AGBL1: variants seen among roughly 807,000 people sequenced by gnomAD.
AGBL1 encodes AGBL carboxypeptidase 1, also known as cytosolic carboxypeptidase 4.
AGBL1 carries 130 observed loss-of-function variants against 118.9 expected under a neutral mutation model. The observed-to-expected ratio is 1.09, with a 90% CI of 0.95 to 1.26. The LOEUF is 1.26. Among genes scored for constraint, AGBL1 ranks in the 50% most tolerant of loss-of-function variants. The probability of loss-of-function intolerance (pLI) is 0.00; values close to 1 mark genes in which losing one functional copy is unlikely to be tolerated. For synonymous variants in AGBL1, 555 were observed against 478.9 expected (o/e 1.16, Z -2.08); for missense variants, 1,584 against 1,298.1 (o/e 1.22, Z -3.38).
chr15:86,761,467 T>C (rs989706969), intron 22 of AGBL1, among the ~76,000 whole-genome samples: 1 of 152,046 alleles, frequency 6.6e-6, no homozygotes, highest in Non-Finnish European at 1.5e-5. Flanking sequence ...AATACAAATG[T>C]AGGTACAGGG....
chr15:86,953,132 A>G (rs556158781), intron 23 of AGBL1, among the ~76,000 whole-genome samples: 5 of 152,206 alleles, frequency 3.3e-5, no homozygotes, highest in African/African-American at 9.6e-5. Flanking sequence ...TTTGTTTACA[A>G]TTGCTTTGGC....
chr15:86,143,752 C>A lies in AGBL1; in HGVS notation c.169C>A (p.Leu57Met), dbSNP rs1324747247. The change falls in exon 3 of 23, where the codon CTG (leucine) becomes ATG (methionine). Residue 57 changes from leucine to methionine, a missense_variant. Leu to Met is a conservative substitution (Grantham distance 15). Coordinates refer to ENST00000614907, the MANE Select transcript of AGBL1 (RefSeq NM_001386094.1). ...CAGCAAGGGTGGCAGTGAAGCTCTT[C>A]TGCAGACCCTGGTAGACACAGCGAG... ...MISKGGSEAL[L>M]QTLVDTARTA... 1.9e-5 allele frequency: 31 copies of A among 1,613,836 alleles called. No homozygotes were observed. Among genetic ancestry groups the A allele is most frequent in the Non-Finnish European group, 2.5e-5 (29 of 1,179,836 alleles).
intron 17 of AGBL1, among the ~76,000 whole-genome samples, chr15:86,366,178 T>A (rs2080884997): frequency 6.6e-6 from 1 of 152,166 alleles, no homozygotes; most frequent in South Asian, 2.1e-4. Context: ...AATCCTCCCC[T>A]ACATTCTTCA....
chr15:87,022,706 A>G (rs1004684678), intron 24 of AGBL1, among the ~76,000 whole-genome samples: 12 of 152,072 alleles, frequency 7.9e-5, no homozygotes, highest in Non-Finnish European at 1.6e-4. Flanking sequence ...TGTGAGACAA[A>G]AGTACCAGGT....
chr15:86,257,924 G>C lies in AGBL1; in HGVS notation c.902-40G>C, dbSNP rs201119906. The C allele has an allele frequency of 1.9e-6, 3 of 1,600,756 alleles. No individual in the cohort carries two copies. In the African/African-American group the frequency reaches 4.0e-5, roughly 22 times the overall value. On this transcript the variant is annotated intron_variant, in intron 8 of 22. Coordinates refer to ENST00000614907, the MANE Select transcript of AGBL1 (RefSeq NM_001386094.1). ...ATCTAAATCCTAAATCCCGGGCAAAGGGGAAACTTCACTTATTTCACCTCT... is the reference window on the plus strand; with the variant it reads ...ATCTAAATCCTAAATCCCGGGCAAACGGGAAACTTCACTTATTTCACCTCT...
chr15:86,988,641 TAA>T (rs888824068), intron 24 of AGBL1, among the ~76,000 whole-genome samples: 26 of 152,346 alleles, frequency 1.7e-4, no homozygotes, highest in African/African-American at 6.3e-4. Flanking sequence ...CAGATTTATC[TAA>T]AAGTTATTCA....
chr15:86,879,291 T>A (rs898195880), intron 22 of AGBL1, among the ~76,000 whole-genome samples: 3 of 152,204 alleles, frequency 2.0e-5, no homozygotes, highest in African/African-American at 7.2e-5. Flanking sequence ...AGTGTCTGAC[T>A]TCACAAGCCC....
chr15:86,423,149 G>A (rs1390831156), intron 18 of AGBL1, among the ~76,000 whole-genome samples: 2 of 152,146 alleles, frequency 1.3e-5, no homozygotes, highest in African/African-American at 4.8e-5. Flanking sequence ...AAAAGTTCAG[G>A]CCAATATCCC....
intron 23 of AGBL1, among the ~76,000 whole-genome samples, chr15:86,934,928 ATCCATTCTCC>A (rs2080649193): frequency 6.6e-6 from 1 of 152,220 alleles, no homozygotes; most frequent in Non-Finnish European, 1.5e-5. Flanking sequence ...GATATTCTGG[ATCCATTCTCC>A]TCCTGATATC....
At chr15:86,484,597 G>A (rs184007477) in intron 18 of AGBL1, among the ~76,000 whole-genome samples, 4 of 151,990 alleles carry the variant, frequency 2.6e-5, no homozygotes, top group Admixed American at 1.3e-4. Flanking sequence ...TCCACGTTTC[G>A]GTGCATTTAG....
chr15:86,129,704 T>C (rs1212195511), intron 1 of AGBL1, among the ~76,000 whole-genome samples: 1 of 152,078 alleles, frequency 6.6e-6, no homozygotes, highest in East Asian at 1.9e-4. Context: ...CATCTTGCAA[T>C]ATATGGGACG....
At chr15:86,165,996 G>A (rs765056768) in intron 5 of AGBL1, among the ~76,000 whole-genome samples, 1 of 152,130 alleles carries the variant, frequency 6.6e-6, no homozygotes, top group African/African-American at 2.4e-5. Context: ...AAGCCACTGA[G>A]CTCTTCCTGA....
intron 22 of AGBL1, among the ~76,000 whole-genome samples, chr15:86,730,373 T>C (rs1329403719): frequency 6.6e-6 from 1 of 152,118 alleles, no homozygotes; most frequent in Non-Finnish European, 1.5e-5. Context: ...AGATCTAATA[T>C]CCAGAATCTA....
chr15:86,815,917 C>A (rs138607613), intron 22 of AGBL1, among the ~76,000 whole-genome samples: 139 of 152,150 alleles, frequency 9.1e-4, no homozygotes, highest in African/African-American at 3.0e-3. Context: ...GGGAAGGAAA[C>A]GGTGGGGAAG....
At chr15:86,518,842 G>A (rs938208410) in intron 18 of AGBL1, among the ~76,000 whole-genome samples, 1 of 151,552 alleles carries the variant, frequency 6.6e-6, no homozygotes, top group Non-Finnish European at 1.5e-5. Context: ...GTGTGCATTT[G>A]TTGAGAGAGT....
chr15:86,702,268 G>A (rs2086373453), intron 22 of AGBL1, among the ~76,000 whole-genome samples: 1 of 152,040 alleles, frequency 6.6e-6, no homozygotes, highest in Non-Finnish European at 1.5e-5. Context: ...CAAGCAATGT[G>A]AATATTATAC....
intron 17 of AGBL1, among the ~76,000 whole-genome samples, chr15:86,373,454 G>A (rs962573724): frequency 6.6e-6 from 1 of 152,182 alleles, no homozygotes; most frequent in Admixed American, 6.5e-5. Flanking sequence ...GGCCAGGACT[G>A]GGAGCTTGGC....
chr15:86,340,838 T>A (rs562762058), intron 17 of AGBL1, among the ~76,000 whole-genome samples: 1 of 152,170 alleles, frequency 6.6e-6, no homozygotes, highest in Non-Finnish European at 1.5e-5. Flanking sequence ...CTACCTTGCT[T>A]CTGGTTGGGG....
chr15:86,634,095 C>A (rs538887444), intron 21 of AGBL1, among the ~76,000 whole-genome samples: 1 of 151,914 alleles, frequency 6.6e-6, no homozygotes, highest in Non-Finnish European at 1.5e-5. Flanking sequence ...GAAATTGGAG[C>A]CCTCATACTC....
Sources: gnomAD v4.1 joint callset for allele counts (sites outside exome capture counted in the v4.1 genomes callset) on GRCh38, gnomAD v4.1.1 for gene constraint, MANE v1.5 for transcripts, NCBI Gene and HGNC (gene_info 2026-07-23, HGNC 2026-07-21) for gene names.